Variants in C6orf136 observed in about 807,000 individuals in gnomAD.
The protein encoded by C6orf136 is uncharacterized protein C6orf136.
A neutral mutation model predicts 44.0 loss-of-function variants in C6orf136; 29 were observed. The observed-to-expected ratio is 0.66, with a 90% CI of 0.49 to 0.90. The LOEUF is 0.90. Among genes scored for constraint, C6orf136 ranks in the 40% least tolerant of loss-of-function variants. C6orf136 has a pLI of 0.00. For synonymous variants in C6orf136, 293 were observed against 278.6 expected (o/e 1.05, Z -0.52); for missense variants, 628 against 669.3 (o/e 0.94, Z 0.68).
chr6:30,648,114 C>T (rs1403058391), intron 1 of C6orf136, among the ~76,000 whole-genome samples: 1 of 152,164 alleles, frequency 6.6e-6, no homozygotes, highest in African/African-American at 2.4e-5. Context: ...TCATATAGGC[C>T]TCATAACCCA....
At chr6:30,651,597 C>T in intron 4 of C6orf136, 131 bp downstream of exon 4, 4 of 882,966 alleles carry the variant, frequency 4.5e-6, no homozygotes, top group Non-Finnish European at 6.9e-6. Context: ...GCCTCTGCCT[C>T]CCGGCTTCCA....
chr6:30,649,732 T>C lies in C6orf136; in HGVS notation c.790T>C (p.Trp264Arg). The change falls in exon 2 of 6, where the codon TGG becomes CGG. Residue 264 changes from tryptophan to arginine, a missense_variant. By Grantham distance (101) the Trp-to-Arg change is moderately radical. Coordinates refer to ENST00000651131, the MANE Select transcript of C6orf136 (RefSeq NM_001161376.2). ...LPQIQALSSA[W>R]VVLPPGKGEE... ...TCAGATCCAGGCCCTCAGCTCAGCA[T>C]GGGTGGTTCTCCCTCCAGGAAAGGG... 6.2e-7 allele frequency: 1 copy of C among 1,613,716 alleles called. No individual in the cohort carries two copies. The highest frequency in any genetic ancestry group is 8.5e-7 in the Non-Finnish European group (1 of 1,179,838).
In C6orf136 at chr6:30,649,538, CTTCTG is replaced by C; in HGVS notation, c.616-15_616-11del. Reference sequence around the variant, plus strand: ...GACAAGTGGATTCTTATCTTTCTCCCTTCTGTTCTTTCTCCTTAGGACCAGCTTTA... The same window carrying C: ...GACAAGTGGATTCTTATCTTTCTCCCTTCTTTCTCCTTAGGACCAGCTTTA... On this transcript the variant is annotated splice_polypyrimidine_tract_variant and intron_variant, in intron 1 of 5. Coordinates refer to ENST00000651131, the MANE Select transcript of C6orf136 (RefSeq NM_001161376.2). 6.4e-7 allele frequency: 1 copy of C among 1,571,240 alleles called. No homozygotes were observed. The highest frequency in any genetic ancestry group is 8.6e-7 in the Non-Finnish European group (1 of 1,168,370).
intron 3 of C6orf136, 84 bp from the exon 4 acceptor site, chr6:30,651,182 C>CA: frequency 6.4e-7 from 1 of 1,573,942 alleles, no homozygotes; most frequent in Non-Finnish European, 8.7e-7. Flanking sequence ...GACTGCTTCT[C>CA]ACAGCTGTTC....
At chr6:30,649,136 G>C (rs777793531) in intron 1 of C6orf136, among the ~76,000 whole-genome samples, 4 of 152,206 alleles carry the variant, frequency 2.6e-5, no homozygotes, top group Non-Finnish European at 5.9e-5. Flanking sequence ...AGGCAGAGGC[G>C]GGTGGATCAC....
Position 30,652,713 on chromosome 6 carries a change from A to C in C6orf136, c.1373A>C (p.Asp458Ala), listed in dbSNP as rs769411881. Residue 458 changes from aspartate to alanine, a missense_variant, in exon 5 of 6, where the codon GAT becomes GCT. By Grantham distance (126) the Asp-to-Ala change is moderately radical. Transcript: ENST00000651131. ...SSGLICRHRL[D>A]KLMPSHSPPT... ...GGCCTCATTTGTCGCCATCGTCTAG[A>C]TAAAGTGAGTCCTAGGTAGGGCTGG... The C allele has an allele frequency of 3.1e-6, 5 of 1,612,962 alleles. No individual in the cohort carries two copies. Among genetic ancestry groups the C allele is most frequent in the Admixed American group, 1.7e-5 (1 of 60,006 alleles).
At position 30,651,024 on chromosome 6, in the gene C6orf136, T is replaced by C. The variant is rs777265395; in HGVS notation, c.1048T>C (p.Tyr350His). Residue 350 changes from tyrosine to histidine, a missense_variant, in exon 3 of 6, where the codon TAC becomes CAC. By Grantham distance (83) the Tyr-to-His change is moderately conservative. Coordinates refer to ENST00000651131, the MANE Select transcript of C6orf136 (RefSeq NM_001161376.2). ...LPKLFLQSHD[Y>H]SLYSLDVEFI... Reference sequence around the variant, plus strand: ...CAAGCTCTTCCTTCAGTCCCACGACTACAGTCTGTATTCCTTGGATGTGGA... The same window carrying C: ...CAAGCTCTTCCTTCAGTCCCACGACCACAGTCTGTATTCCTTGGATGTGGA... The C allele has an allele frequency of 2.5e-6, 4 of 1,614,098 alleles. No individual in the cohort carries two copies. In the East Asian group the frequency reaches 6.7e-5, roughly 27 times the overall value.
In C6orf136 at chr6:30,647,559, G is replaced by A; in HGVS notation, c.328G>A (p.Gly110Arg). 6 of 1,531,592 alleles carry A rather than the reference G, an allele frequency of 3.9e-6. No homozygotes were observed. Among genetic ancestry groups the A allele is most frequent in the Non-Finnish European group, 5.3e-6 (6 of 1,132,628 alleles). 94.9% of individuals were successfully genotyped at this position (1,531,592 alleles called of 1,614,324 possible). A position where few individuals can be genotyped will look rare whatever the true frequency, so the allele number is the denominator to read the frequency against. The change falls in exon 1 of 6, where the codon GGG becomes AGG. Residue 110 changes from glycine to arginine, a missense_variant. Coordinates refer to ENST00000651131, the MANE Select transcript of C6orf136 (RefSeq NM_001161376.2). This position sits in a 1 kb window ranked among gnomAD's most constrained non-coding sequence, Gnocchi z 4.8. Reference sequence around the variant, plus strand: ...CAGGCGGGGTCAAGGCCAGGCAGCGGGGCGCGTCTGCGTTGCGCCCGACTC... The same window carrying A: ...CAGGCGGGGTCAAGGCCAGGCAGCGAGGCGCGTCTGCGTTGCGCCCGACTC... ...AVRRGQGQAA[G>R]RVCVAPDSPR...
At position 30,652,995 on chromosome 6, in the gene C6orf136, A is replaced by G; in HGVS notation, c.*80A>G. 7.5e-7 allele frequency: 1 copy of G among 1,334,634 alleles called. No homozygotes were observed. 82.7% of individuals were successfully genotyped at this position (1,334,634 alleles called of 1,614,324 possible). On this transcript the variant is annotated 3_prime_UTR_variant, in exon 6 of 6. Transcript: ENST00000651131. ...GGTGGAGGCAGCCAAGAATCTCAGG[A>G]GCCAGCTTCCTCTCCTCGTTTCTCT...
Position 30,647,944 on chromosome 6 carries a change from C to T in C6orf136, c.615+98C>T, listed in dbSNP as rs1767026621. The T allele has an allele frequency of 1.4e-6, 2 of 1,407,922 alleles. No homozygotes were observed. Among genetic ancestry groups the T allele is most frequent in the Non-Finnish European group, 9.2e-7 (1 of 1,083,378 alleles). 87.2% of individuals were successfully genotyped at this position (1,407,922 alleles called of 1,614,324 possible). On this transcript the variant is annotated intron_variant, in intron 1 of 5. Coordinates refer to ENST00000651131, the MANE Select transcript of C6orf136 (RefSeq NM_001161376.2). This position sits in a 1 kb window ranked among gnomAD's most constrained non-coding sequence, Gnocchi z 4.8. ...TCGGGTGAGGCCTAACTTTGGGTGA[C>T]CTCCCCTTGCAGTTTCAACGTCGGT...
intron 3 of C6orf136, 85 bp from the exon 4 acceptor site, chr6:30,651,181 T>A: frequency 6.3e-7 from 1 of 1,575,784 alleles, no homozygotes; most frequent in South Asian, 1.1e-5. Flanking sequence ...AGACTGCTTC[T>A]CACAGCTGTT....
In C6orf136 at chr6:30,647,723, C is replaced by T. The variant is rs1186741843; in HGVS notation, c.492C>T (p.Leu164=). ...CTCAGCAGCCCGCCCGTCTTGCACT[C>T]GGAGAGCGGTCCTGGCAGGAAGGCC... ...GRPQQPARLA[L]GERSWQEGRP... Residue 164 remains leucine, a synonymous_variant, in exon 1 of 6, where the codon CTC becomes CTT. Transcript: ENST00000651131. The surrounding 1 kb of genome is among the most constrained non-coding windows in gnomAD (Gnocchi z 4.8). 6.5e-7 allele frequency: 1 copy of T among 1,549,984 alleles called. No individual in the cohort carries two copies. The highest frequency in any genetic ancestry group is 8.7e-7 in the Non-Finnish European group (1 of 1,146,720).
Position 30,647,332 on chromosome 6 carries a change from G to A in C6orf136, c.101G>A (p.Arg34Lys). 1 of 1,577,398 alleles carries A rather than the reference G, an allele frequency of 6.3e-7. No individual in the cohort carries two copies. Among genetic ancestry groups the A allele is most frequent in the East Asian group, 2.3e-5 (1 of 42,882 alleles). The change falls in exon 1 of 6, where the codon AGA becomes AAA. Residue 34 changes from arginine (R) to lysine (K), a missense_variant. This residue lies in a region of C6orf136 where 497 missense variants were observed against 469.2 expected (regional missense o/e 1.06). Coordinates refer to ENST00000651131, the MANE Select transcript of C6orf136 (RefSeq NM_001161376.2). This position sits in a 1 kb window ranked among gnomAD's most constrained non-coding sequence, Gnocchi z 4.8. Reference protein sequence around the residue: ...QVSGGEEGGRRGGGERPSSKP... With the variant: ...QVSGGEEGGRKGGGERPSSKP... ...AGCGGAGGAGAAGAGGGAGGGAGGA[G>A]AGGGGGCGGGGAGAGACCCTCCTCA...
rs61606469 is a variant in C6orf136 at position 30,647,485 on chromosome 6, G to A, written c.254G>A (p.Cys85Tyr). 5 of 1,490,790 alleles carry A rather than the reference G, an allele frequency of 3.4e-6. No homozygotes were observed. The South Asian group carries it at 5.3e-5, about 16-fold the overall frequency. 92.3% of individuals were successfully genotyped at this position (1,490,790 alleles called of 1,614,324 possible). The stretch of plus-strand genomic sequence containing the variant: ...GTCGCGGGAGCGGGAGGGAGGCGCT[G>A]CCGGGCCTGTCGCGCAAGGACGTCG... ...LGVAGAGGRR[C>Y]RACRARTSVL... is the part of the protein sequence containing the mutation. Residue 85 changes from cysteine (C) to tyrosine (Y), a missense_variant, in exon 1 of 6, where the codon TGC becomes TAC. Cys to Tyr is a radical substitution (Grantham distance 194). Coordinates refer to ENST00000651131, the MANE Select transcript of C6orf136 (RefSeq NM_001161376.2). The surrounding 1 kb of genome is among the most constrained non-coding windows in gnomAD (Gnocchi z 4.8).
Position 30,647,905 on chromosome 6 carries a change from G to T in C6orf136, c.615+59G>T, listed in dbSNP as rs530493615. 1.4e-6 allele frequency: 2 copies of T among 1,424,970 alleles called. No homozygotes were observed. The highest frequency in any genetic ancestry group is 2.9e-5 in the African/African-American group (2 of 68,462). 88.3% of individuals were successfully genotyped at this position (1,424,970 alleles called of 1,614,324 possible). A position where few individuals can be genotyped will look rare whatever the true frequency, so the allele number is the denominator to read the frequency against. On this transcript the variant is annotated intron_variant, in intron 1 of 5. Coordinates refer to ENST00000651131, the MANE Select transcript of C6orf136 (RefSeq NM_001161376.2). The surrounding 1 kb of genome is among the most constrained non-coding windows in gnomAD (Gnocchi z 4.8). ...GAGACGATCCCCTGGGGGGTTCCTTGGGAGCGGAGGGACTCGGGTGAGGCC... is the reference window on the plus strand; with the variant it reads ...GAGACGATCCCCTGGGGGGTTCCTTTGGAGCGGAGGGACTCGGGTGAGGCC...
intron 1 of C6orf136, among the ~76,000 whole-genome samples, chr6:30,648,198 T>C (rs1203630423): frequency 6.6e-6 from 1 of 152,204 alleles, no homozygotes; most frequent in Admixed American, 6.5e-5. Context: ...TGCCTAAAGT[T>C]ACATGATAGA....
rs1395109491 is a variant in C6orf136, at chr6:30,647,526, AGGGCGGTCAGGCGG to A, written c.298_311del (p.Ala100SerfsTer21). ...AAGGACGTCGGTCCTCCCAGGTTTG[AGGGCGGTCAGGCGG>A]GGTCAAGGCCAGGCAGCGGGGCGCG... On this transcript the variant is annotated frameshift_variant, in exon 1 of 6. Transcript: ENST00000651131. LOFTEE classifies it high-confidence loss of function. This position sits in a 1 kb window ranked among gnomAD's most constrained non-coding sequence, Gnocchi z 4.8. 3 of 1,517,868 alleles carry A rather than the reference AGGGCGGTCAGGCGG, an allele frequency of 2.0e-6. No individual in the cohort carries two copies. The highest frequency in any genetic ancestry group is 5.0e-5 in the East Asian group (2 of 40,070). 94.0% of individuals were successfully genotyped at this position (1,517,868 alleles called of 1,614,324 possible). A position where few individuals can be genotyped will look rare whatever the true frequency, so the allele number is the denominator to read the frequency against.
Position 30,647,834 on chromosome 6 carries a change from A to G in C6orf136, c.603A>G (p.Pro201=). Residue 201 remains proline (P), a synonymous_variant, in exon 1 of 6, where the codon CCA becomes CCG. Transcript: ENST00000651131. This position sits in a 1 kb window ranked among gnomAD's most constrained non-coding sequence, Gnocchi z 4.8. ...GCAGAGACGGCGCCTCTAGGACACC[A>G]TCGGGGACCGAGGTACCCGAGCGGT... The part of the protein sequence containing the change: ...APSRDGASRT[P]SGTEDQLYPG... The G allele has an allele frequency of 2.0e-6, 3 of 1,495,460 alleles. No individual in the cohort carries two copies. The highest frequency in any genetic ancestry group is 2.7e-6 in the Non-Finnish European group (3 of 1,122,554). 92.6% of individuals were successfully genotyped at this position (1,495,460 alleles called of 1,614,324 possible). A position where few individuals can be genotyped will look rare whatever the true frequency, so the allele number is the denominator to read the frequency against.
chr6:30,647,893 G>A lies in C6orf136; in HGVS notation c.615+47G>A. 7 of 1,431,834 alleles carry A rather than the reference G, an allele frequency of 4.9e-6. No homozygotes were observed. Among genetic ancestry groups the A allele is most frequent in the Non-Finnish European group, 5.5e-6 (6 of 1,096,306 alleles). 88.7% of individuals were successfully genotyped at this position (1,431,834 alleles called of 1,614,324 possible). On this transcript the variant is annotated intron_variant, in intron 1 of 5. Transcript: ENST00000651131. The surrounding 1 kb of genome is among the most constrained non-coding windows in gnomAD (Gnocchi z 4.8). ...CTTCCCTGCAGTGAGACGATCCCCT[G>A]GGGGGTTCCTTGGGAGCGGAGGGAC...
Sources: gnomAD v4.1 joint callset for allele counts (sites outside exome capture counted in the v4.1 genomes callset) on GRCh38, gnomAD v4.1.1 for gene constraint, gnomAD v4.1.1 regional missense constraint, Gnocchi (gnomAD v3.1) non-coding constraint, MANE v1.5 for transcripts, NCBI Gene and HGNC (gene_info 2026-07-23, HGNC 2026-07-21) for gene names.